The following EIF4EBP1 variants were observed in gnomAD, a reference collection of about 807,000 sequenced individuals.
The protein encoded by EIF4EBP1 is eukaryotic translation initiation factor 4E binding protein 1.
A neutral mutation model predicts 9.2 loss-of-function variants in EIF4EBP1; 5 were observed. That is an observed-to-expected ratio of 0.54 (90% confidence interval 0.28 to 1.14). EIF4EBP1 has a LOEUF of 1.14. Ranked by LOEUF, EIF4EBP1 falls within the 50% of genes most tolerant of loss-of-function variation. EIF4EBP1 has a pLI of 0.09. For missense variants in EIF4EBP1, 139 were observed against 169.6 expected, an observed-to-expected ratio of 0.82 and a Z score of 1.00; for synonymous variants, 62 against 67.0, an observed-to-expected ratio of 0.93 and a Z score of 0.36.
chr8:38,035,520 ATTATTTTATT>A lies in EIF4EBP1; in HGVS notation c.145+4820_145+4829del, dbSNP rs113130853. 3.6e-3 allele frequency among the ~76,000 whole-genome samples: 543 copies of A among 150,426 alleles called. 6 individuals are homozygous for A. The highest frequency in any genetic ancestry group is 0.011 in the African/African-American group (455 of 40,950). ...GGCATGAGCCACCACACCCGGCCTTATTATTTTATTTTATTTTATTTTATTTTTGAGGCAG... is the reference window on the plus strand; with the variant it reads ...GGCATGAGCCACCACACCCGGCCTTATTATTTTATTTTATTTTTGAGGCAG... On this transcript the variant is annotated intron_variant, in intron 1 of 2. Coordinates refer to ENST00000338825, the MANE Select transcript of EIF4EBP1 (RefSeq NM_004095.4).
intron 1 of EIF4EBP1, among the ~76,000 whole-genome samples, chr8:38,054,531 CAG>C (rs1809568267): frequency 6.6e-6 from 1 of 152,052 alleles, no homozygotes; most frequent in Non-Finnish European, 1.5e-5. Context: ...TAAGAAACAA[CAG>C]AAAAAAAGTG....
At chr8:38,055,258 G>T (rs1255718332) in intron 1 of EIF4EBP1, among the ~76,000 whole-genome samples, 1 of 152,032 alleles carries the variant, frequency 6.6e-6, no homozygotes, top group Non-Finnish European at 1.5e-5. Flanking sequence ...CCTTTCCAGG[G>T]GTTTACAGAG....
In EIF4EBP1 at chr8:38,060,077, C is replaced by T. The variant is rs1332391532; in HGVS notation, c.*142C>T. The T allele has an allele frequency of 3.9e-6, 3 of 777,448 alleles. No homozygotes were observed. The highest frequency in any genetic ancestry group is 6.8e-6 in the Non-Finnish European group (3 of 443,186). 48.2% of individuals were successfully genotyped at this position (777,448 alleles called of 1,614,324 possible). ...GGACACCCCAGCCCTTTCTCCCTCA[C>T]TCAGGGCACCTGCCCCCTCCTCTTC... On this transcript the variant is annotated 3_prime_UTR_variant, in exon 3 of 3. Transcript: ENST00000338825.
At position 38,057,256 on chromosome 8, in the gene EIF4EBP1, G is replaced by A. The variant is rs148075027; in HGVS notation, c.321G>A (p.Ala107=). The change falls in exon 2 of 3, where the codon GCG becomes GCA. Residue 107 remains alanine (A), a synonymous_variant. Coordinates refer to ENST00000338825, the MANE Select transcript of EIF4EBP1 (RefSeq NM_004095.4). ...GCAATAGCCCAGAAGATAAGCGGGC[G>A]GGCGGTGAGTGTCGGGGCTTGGCCA... ...HLRNSPEDKR[A]GGEESQFEMD... is the part of the protein sequence containing the mutation. 1.3e-4 allele frequency: 213 copies of A among 1,605,932 alleles called. 2 individuals carry two copies. The African/African-American group carries it at 2.5e-3, about 19-fold the overall frequency.
rs891705354 is a variant in EIF4EBP1 at position 38,043,345 on chromosome 8, T to C, written c.145+12627T>C. 2.6e-5 allele frequency among the ~76,000 whole-genome samples: 4 copies of C among 151,396 alleles called. 1 individual carries two copies. The highest frequency in any genetic ancestry group is 2.0e-4 in the Admixed American group (3 of 15,188). Reference sequence around the variant, plus strand: ...TGAAAGTCTCTGTCAAAGCCAATTTTCTTTTCTTTTCTTTTCTTTTTCTTT... The same window carrying C: ...TGAAAGTCTCTGTCAAAGCCAATTTCCTTTTCTTTTCTTTTCTTTTTCTTT... On this transcript the variant is annotated intron_variant, in intron 1 of 2. Coordinates refer to ENST00000338825, the MANE Select transcript of EIF4EBP1 (RefSeq NM_004095.4).
rs574036972 is a variant in EIF4EBP1, at chr8:38,036,650, C to T, written c.145+5932C>T. On this transcript the variant is annotated intron_variant, in intron 1 of 2. Transcript: ENST00000338825. ...TGTTCTGGAAGATGAGTTAGGAAGG[C>T]ACAGCAATATTGTTTCTTCTTTTTT... Among the ~76,000 whole-genome samples the T allele has an allele frequency of 5.9e-4, 89 of 151,130 alleles. 1 individual carries two copies. The highest frequency in any genetic ancestry group is 5.4e-3 in the Admixed American group (82 of 15,202).
chr8:38,050,142 T>C (rs28653369), intron 1 of EIF4EBP1, among the ~76,000 whole-genome samples: 113,579 of 151,848 alleles, frequency 0.75, 42,566 homozygotes, highest in Middle Eastern at 0.88. Flanking sequence ...GAACTCCTGA[T>C]CTCATGTGAT....
At chr8:38,048,781 C>T (rs940655127) in intron 1 of EIF4EBP1, among the ~76,000 whole-genome samples, 1 of 151,208 alleles carries the variant, frequency 6.6e-6, no homozygotes, top group African/African-American at 2.4e-5. Context: ...TTGAGACCAG[C>T]CTGGGTAACA....
At chr8:38,049,773 C>T (rs1483878052) in intron 1 of EIF4EBP1, among the ~76,000 whole-genome samples, 5 of 152,004 alleles carry the variant, frequency 3.3e-5, no homozygotes, top group Non-Finnish European at 7.4e-5. Flanking sequence ...TGAGCCACCA[C>T]ACCTGGCCTT....
chr8:38,035,514 G>A (rs943457898), intron 1 of EIF4EBP1, among the ~76,000 whole-genome samples: 3 of 151,462 alleles, frequency 2.0e-5, no homozygotes, highest in South Asian at 2.1e-4. Flanking sequence ...CACCACACCC[G>A]GCCTTATTAT....
intron 1 of EIF4EBP1, among the ~76,000 whole-genome samples, chr8:38,033,365 GC>G (rs1384338343): frequency 6.6e-6 from 1 of 151,744 alleles, no homozygotes; most frequent in Non-Finnish European, 1.5e-5. Flanking sequence ...ACCATGCCCG[GC>G]CTAGATTCAG....
intron 1 of EIF4EBP1, among the ~76,000 whole-genome samples, chr8:38,035,629 G>A (rs977969956): frequency 2.0e-5 from 3 of 151,306 alleles, no homozygotes; most frequent in East Asian, 1.9e-4. Context: ...GCCAGGTTCA[G>A]GCTGAGACAG....
intron 1 of EIF4EBP1, among the ~76,000 whole-genome samples, chr8:38,035,942 C>T (rs983385130): frequency 2.0e-5 from 3 of 149,628 alleles, no homozygotes; most frequent in Non-Finnish European, 4.5e-5. Context: ...CTCCTGACCT[C>T]GTGATCCGCC....
chr8:38,054,056 C>T (rs1187567412), intron 1 of EIF4EBP1, among the ~76,000 whole-genome samples: 1 of 152,212 alleles, frequency 6.6e-6, no homozygotes, highest in Non-Finnish European at 1.5e-5. Context: ...TCACCAGGGG[C>T]TGATGACCTT....
Position 38,030,705 on chromosome 8 carries a change from C to T in EIF4EBP1, c.132C>T (p.Ser44=). Residue 44 remains serine, a synonymous_variant, in exon 1 of 3, where the codon AGC becomes AGT. Transcript: ENST00000338825. ...YSTTPGGTLF[S]TTPGGTRIIY... The stretch of plus-strand genomic sequence containing the variant: ...CGACCCCCGGCGGCACGCTCTTCAG[C>T]ACCACCCCGGGAGGTAGGCGCGGGC... The T allele has an allele frequency of 7.0e-7, 1 of 1,437,992 alleles. No homozygotes were observed. The highest frequency in any genetic ancestry group is 9.1e-7 in the Non-Finnish European group (1 of 1,101,018). The allele number at this position is 1,437,992 out of a possible 1,614,324, so 89.1% of individuals were successfully genotyped here. A position where few individuals can be genotyped will look rare whatever the true frequency, so the allele number is the denominator to read the frequency against.
At chr8:38,038,844 A>G (rs900874619) in intron 1 of EIF4EBP1, among the ~76,000 whole-genome samples, 6 of 151,408 alleles carry the variant, frequency 4.0e-5, no homozygotes, top group Admixed American at 6.6e-5. Context: ...GGCCACATGC[A>G]CTCTGGACAG....
In EIF4EBP1 at chr8:38,030,579, C is replaced by T. The variant is rs532307158; in HGVS notation, c.6C>T (p.Ser2=). M[S]GGSSCSQTPS... ...GGTGCAGCGCACAGGAGACCATGTC[C>T]GGGGGCAGCAGCTGCAGCCAGACCC... The change falls in exon 1 of 3, where the codon TCC becomes TCT. Residue 2 remains serine, a synonymous_variant. Coordinates refer to ENST00000338825, the MANE Select transcript of EIF4EBP1 (RefSeq NM_004095.4). 177 of 1,512,714 alleles carry T rather than the reference C, an allele frequency of 1.2e-4. 5 individuals are homozygous for T. The South Asian group carries it at 2.1e-3, about 18-fold the overall frequency. 93.7% of individuals were successfully genotyped at this position (1,512,714 alleles called of 1,614,324 possible).
Position 38,030,559 on chromosome 8 carries a change from A to C in EIF4EBP1, c.-15A>C. The C allele has an allele frequency of 4.7e-6, 7 of 1,499,568 alleles. No individual in the cohort carries two copies. Among genetic ancestry groups the C allele is most frequent in the Non-Finnish European group, 6.2e-6 (7 of 1,130,480 alleles). 92.9% of individuals were successfully genotyped at this position (1,499,568 alleles called of 1,614,324 possible). On this transcript the variant is annotated 5_prime_UTR_variant, in exon 1 of 3. Coordinates refer to ENST00000338825, the MANE Select transcript of EIF4EBP1 (RefSeq NM_004095.4). ...AGGGCAGCGAGAGGTTCGCGGGTGC[A>C]GCGCACAGGAGACCATGTCCGGGGG...
intron 1 of EIF4EBP1, among the ~76,000 whole-genome samples, chr8:38,043,973 C>T (rs1809417490): frequency 6.6e-6 from 1 of 152,052 alleles, no homozygotes; most frequent in Non-Finnish European, 1.5e-5. Context: ...GGAGGGAAGA[C>T]CGAGATTCTG....
Sources: allele counts gnomAD v4.1 joint callset (sites outside exome capture counted in the v4.1 genomes callset), GRCh38; gene constraint gnomAD v4.1.1; transcripts MANE v1.5; gene names NCBI Gene and HGNC (gene_info 2026-07-23, HGNC 2026-07-21).